Variants in RBM44 observed in about 807,000 individuals in gnomAD.
The protein encoded by RBM44 is RNA-binding protein 44.
In RBM44, 66 loss-of-function variants were observed where a neutral mutation model predicts 105.1. The ratio of observed to expected loss-of-function variants is 0.63; its 90% CI spans 0.52 to 0.77. The LOEUF (loss-of-function observed/expected upper bound fraction) is 0.77. Among genes scored for constraint, RBM44 ranks in the 30% least tolerant of loss-of-function variants. RBM44 has a pLI of 0.00. For missense variants in RBM44, 1,122 were observed against 1,207.8 expected (o/e 0.93, Z 1.05); for synonymous variants, 365 against 417.6 (o/e 0.87, Z 1.54).
chr2:237,835,518 G>C (rs961624999), intron 15 of RBM44, among the ~76,000 whole-genome samples: 1 of 152,182 alleles, frequency 6.6e-6, no homozygotes, highest in Admixed American at 6.5e-5. Flanking sequence ...GGGATTACAA[G>C]TGCTACTCCA....
intron 2 of RBM44, among the ~76,000 whole-genome samples, chr2:237,814,172 C>G (rs761049605): frequency 7.9e-5 from 12 of 151,994 alleles, no homozygotes; most frequent in Non-Finnish European, 1.8e-4. Context: ...TAGATTAAAA[C>G]AAAAACTCTA....
rs1424442808 is a variant in RBM44, at chr2:237,803,979, T to G, written c.-19+5118T>G. On this transcript the variant is annotated intron_variant, in intron 1 of 15. Transcript: ENST00000316997. This position sits in a 1 kb window ranked among gnomAD's most constrained non-coding sequence, Gnocchi z 4.2. ...CTCAGCTGACTGCAACCTCTGGGGT[T>G]CTGCCTCAGCCTCCCAAGTAGGTGG... Among the ~76,000 whole-genome samples, 2 of 151,792 alleles carry G rather than the reference T, an allele frequency of 1.3e-5. No individual in the cohort carries two copies.
intron 15 of RBM44, among the ~76,000 whole-genome samples, chr2:237,836,774 G>A (rs1014275349): frequency 6.6e-5 from 9 of 135,608 alleles, no homozygotes; most frequent in East Asian, 4.2e-4. Flanking sequence ...GCGAGACTCC[G>A]TCTCAAAAAA....
At chr2:237,824,552 TA>T (rs1420636536) in intron 10 of RBM44, 133 bp downstream of exon 10, 10 of 710,428 alleles carry the variant, frequency 1.4e-5, no homozygotes, top group East Asian at 3.1e-5. Context: ...TCTTTATAAA[TA>T]AAAAAAGTGA....
intron 15 of RBM44, 61 bp downstream of exon 15, chr2:237,834,484 C>A: frequency 1.3e-6 from 1 of 791,646 alleles, no homozygotes; most frequent in Non-Finnish European, 1.9e-6. Context: ...CTATTGATTT[C>A]ATTTTCTTTT....
chr2:237,821,145 G>T lies in RBM44; in HGVS notation c.1988G>T (p.Arg663Ile), dbSNP rs774287281. 6.9e-5 allele frequency: 111 copies of T among 1,611,052 alleles called. No homozygotes were observed. The highest frequency in any genetic ancestry group is 9.2e-5 in the Non-Finnish European group (109 of 1,178,510). Residue 663 changes from arginine to isoleucine, a missense_variant, in exon 6 of 16, where the codon AGA becomes ATA. By Grantham distance (97) the Arg-to-Ile change is moderately conservative. Coordinates refer to ENST00000316997, the MANE Select transcript of RBM44 (RefSeq NM_001080504.3). Reference sequence around the variant, plus strand: ...TCTCTTTTGGGGGACTTAAAAGTTAGATATGTGACTTTGAAAGAAAAAATA... The same window carrying T: ...TCTCTTTTGGGGGACTTAAAAGTTATATATGTGACTTTGAAAGAAAAAATA... ...LLSLLGDLKVRYVTLKEKIHK... is the reference protein window; with the variant it reads ...LLSLLGDLKVIYVTLKEKIHK...
intron 1 of RBM44, among the ~76,000 whole-genome samples, chr2:237,807,007 A>T (rs1285821639): frequency 6.6e-6 from 1 of 152,208 alleles, no homozygotes; most frequent in Admixed American, 6.6e-5. Context: ...ATAAGTAGCT[A>T]AACGTATCAT....
chr2:237,839,111 C>A (rs2061986356), intron 15 of RBM44, among the ~76,000 whole-genome samples: 2 of 152,224 alleles, frequency 1.3e-5, no homozygotes, highest in Non-Finnish European at 2.9e-5. Context: ...AGGGGCCAAC[C>A]TTGCAAGCAG....
intron 13 of RBM44, among the ~76,000 whole-genome samples, chr2:237,830,272 AT>A (rs1451262953): frequency 6.6e-6 from 1 of 152,074 alleles, no homozygotes; most frequent in Non-Finnish European, 1.5e-5. Context: ...CTGGTATTTT[AT>A]TCCTGCTTAT....
At chr2:237,839,806 G>A (rs914450894) in intron 15 of RBM44, among the ~76,000 whole-genome samples, 2 of 152,084 alleles carry the variant, frequency 1.3e-5, no homozygotes, top group Non-Finnish European at 2.9e-5. Context: ...TCAAAATCAA[G>A]AACTTGAACA....
intron 13 of RBM44, among the ~76,000 whole-genome samples, chr2:237,831,410 A>G (rs1000774895): frequency 5.3e-5 from 8 of 151,972 alleles, no homozygotes; most frequent in African/African-American, 1.9e-4. Flanking sequence ...CCTCCTGAGT[A>G]GCTGGGATTA....
chr2:237,812,090 A>G (rs112484200), intron 1 of RBM44, among the ~76,000 whole-genome samples: 2,896 of 152,250 alleles, frequency 0.019, 92 homozygotes, highest in African/African-American at 0.065. Flanking sequence ...TCCTGAGCTC[A>G]TGCAATCCAC....
At chr2:237,801,475 C>T (rs1221601695) in intron 1 of RBM44, among the ~76,000 whole-genome samples, 2 of 152,208 alleles carry the variant, frequency 1.3e-5, no homozygotes. Flanking sequence ...CAGGCTCACA[C>T]CACCATGCCC....
At chr2:237,800,609 A>C (rs1170474424) in intron 1 of RBM44, among the ~76,000 whole-genome samples, 2 of 152,302 alleles carry the variant, frequency 1.3e-5, no homozygotes, top group South Asian at 2.1e-4. Flanking sequence ...TTAAGTAACG[A>C]ATGTATTTTC....
At chr2:237,810,299 G>A (rs2150971361) in intron 1 of RBM44, among the ~76,000 whole-genome samples, 1 of 152,330 alleles carries the variant, frequency 6.6e-6, no homozygotes, top group East Asian at 1.9e-4. Context: ...ATGTCAAATA[G>A]ATATCTCACA....
chr2:237,817,159 T>C lies in RBM44; in HGVS notation c.240T>C (p.Phe80=). The C allele has an allele frequency of 6.2e-7, 1 of 1,607,484 alleles. No homozygotes were observed. The highest frequency in any genetic ancestry group is 8.5e-7 in the Non-Finnish European group (1 of 1,177,534). ...NIDKMDLLEP[F]FSVSQDTNTE... ...ACAAAATGGATTTATTAGAGCCATT[T>C]TTTTCAGTGAGTCAAGATACTAACA... Residue 80 remains phenylalanine (F), a synonymous_variant, in exon 3 of 16, where the codon TTT becomes TTC. Coordinates refer to ENST00000316997, the MANE Select transcript of RBM44 (RefSeq NM_001080504.3).
Position 237,803,877 on chromosome 2 carries a change from C to G in RBM44, c.-19+5016C>G, listed in dbSNP as rs781358460. Among the ~76,000 whole-genome samples, 1 of 151,336 alleles carries G rather than the reference C, an allele frequency of 6.6e-6. No homozygotes were observed. The highest frequency in any genetic ancestry group is 1.5e-5 in the Non-Finnish European group (1 of 67,912). On this transcript the variant is annotated intron_variant, in intron 1 of 15. Transcript: ENST00000316997. This position sits in a 1 kb window ranked among gnomAD's most constrained non-coding sequence, Gnocchi z 4.2. ...TGCCAGTACCATTTATTGAATATGC[C>G]TTAGACCTTTTTTTTTTTTCTTTTT...
In RBM44 at chr2:237,824,432, G is replaced by C; in HGVS notation, c.2449+13G>C. 2 of 1,608,996 alleles carry C rather than the reference G, an allele frequency of 1.2e-6. 1 individual carries two copies. The highest frequency in any genetic ancestry group is 3.3e-4 in the Middle Eastern group (2 of 6,032). ...GATCTTACAGGAGGTTGGTTCTCAA[G>C]AATTTACCGAGAAATCCTAACCTAG... is the stretch of plus-strand genomic sequence containing the variant. On this transcript the variant is annotated intron_variant, in intron 10 of 15. Coordinates refer to ENST00000316997, the MANE Select transcript of RBM44 (RefSeq NM_001080504.3).
intron 1 of RBM44, among the ~76,000 whole-genome samples, chr2:237,804,849 C>T (rs1179287211): frequency 6.6e-6 from 1 of 152,004 alleles, no homozygotes; most frequent in Non-Finnish European, 1.5e-5. Flanking sequence ...TTTTTGGGGA[C>T]TTACACATTC....
Sources: allele counts gnomAD v4.1 joint callset (sites outside exome capture counted in the v4.1 genomes callset), GRCh38; gene constraint gnomAD v4.1.1; non-coding constraint Gnocchi (gnomAD v3.1); transcripts MANE v1.5; gene names NCBI Gene and HGNC (gene_info 2026-07-23, HGNC 2026-07-21).